Variants in GNA11 observed in about 807,000 individuals in gnomAD.
GNA11 encodes guanine nucleotide-binding protein subunit alpha-11.
In GNA11, 8 loss-of-function variants were observed where a neutral mutation model predicts 38.2. The observed-to-expected ratio is 0.21, with a 90% CI of 0.12 to 0.38. The LOEUF is 0.38. GNA11 is among the 10% of genes least tolerant of loss of function. The pLI is 1.00. For missense variants in GNA11, 268 were observed against 516.3 expected (o/e 0.52, Z 4.66); for synonymous variants, 211 against 221.4 (o/e 0.95, Z 0.42).
chr19:3,116,972 G>A (rs990739719), intron 4 of GNA11, among the ~76,000 whole-genome samples: 4 of 152,108 alleles, frequency 2.6e-5, no homozygotes, highest in Admixed American at 1.3e-4. Flanking sequence ...GCCTCCCAGC[G>A]CAGGCAGGGA....
intron 1 of GNA11, among the ~76,000 whole-genome samples, chr19:3,099,149 C>T (rs537294655): frequency 6.2e-4 from 95 of 152,280 alleles, no homozygotes; most frequent in African/African-American, 2.1e-3. Flanking sequence ...ACGGGGAGGA[C>T]GCCGTGGCAT....
chr19:3,115,981 AG>A (rs1171637885), intron 4 of GNA11, among the ~76,000 whole-genome samples: 4 of 68,108 alleles, frequency 5.9e-5, no homozygotes, highest in Non-Finnish European at 8.0e-5. Flanking sequence ...TGAGGGGAGG[AG>A]GGGTCATAGG....
intron 1 of GNA11, among the ~76,000 whole-genome samples, chr19:3,106,200 A>G (rs1913635139): frequency 1.3e-5 from 2 of 151,978 alleles, no homozygotes; most frequent in Admixed American, 1.3e-4. Flanking sequence ...TCTGCTGACC[A>G]GGGCCCTGGA....
At position 3,121,066 on chromosome 19, in the gene GNA11, A is replaced by G; in HGVS notation, c.967A>G (p.Ile323Val). 6.2e-7 allele frequency: 1 copy of G among 1,613,772 alleles called. No individual in the cohort carries two copies. The highest frequency in any genetic ancestry group is 8.5e-7 in the Non-Finnish European group (1 of 1,179,814). The change falls in exon 7 of 7, where the codon ATC (isoleucine) becomes GTC (valine). Residue 323 changes from isoleucine (I) to valine (V), a missense_variant. Coordinates refer to ENST00000078429, the MANE Select transcript of GNA11 (RefSeq NM_002067.5). ...GGACCTGAACCCCGACAGCGACAAG[A>G]TCATCTACTCACACTTCACGTGTGC... The part of the protein sequence containing the change: ...FVDLNPDSDK[I>V]IYSHFTCATD...
Position 3,108,978 on chromosome 19 carries a change from C to T in GNA11, c.137-1171C>T, listed in dbSNP as rs1913700932. Among the ~76,000 whole-genome samples the T allele has an allele frequency of 6.6e-6, 1 of 152,208 alleles. No individual in the cohort carries two copies. Among genetic ancestry groups the T allele is most frequent in the Admixed American group, 6.5e-5 (1 of 15,284 alleles). On this transcript the variant is annotated intron_variant, in intron 1 of 6. Coordinates refer to ENST00000078429, the MANE Select transcript of GNA11 (RefSeq NM_002067.5). The surrounding 1 kb of genome is among the most constrained non-coding windows in gnomAD (Gnocchi z 4.5). ...GGCTGCCTACCCCAGAGCCCCTGACCCGAGACTGAGGGCAAGGAGGAAGGC... is the reference window on the plus strand; with the variant it reads ...GGCTGCCTACCCCAGAGCCCCTGACTCGAGACTGAGGGCAAGGAGGAAGGC...
At chr19:3,114,516 C>T (rs1028026863) in intron 3 of GNA11, among the ~76,000 whole-genome samples, 2 of 152,148 alleles carry the variant, frequency 1.3e-5, no homozygotes, top group Admixed American at 1.3e-4. Context: ...CCTCTGCAGC[C>T]TCTGCAGCTG....
At chr19:3,103,355 G>T (rs1009655530) in intron 1 of GNA11, among the ~76,000 whole-genome samples, 1 of 149,262 alleles carries the variant, frequency 6.7e-6, no homozygotes, top group Non-Finnish European at 1.5e-5. Flanking sequence ...TGGGATTACA[G>T]GCGCATGCCA....
At chr19:3,114,226 G>A (rs1034066917) in intron 3 of GNA11, among the ~76,000 whole-genome samples, 2 of 152,170 alleles carry the variant, frequency 1.3e-5, no homozygotes, top group Non-Finnish European at 2.9e-5. Flanking sequence ...CCTCCTCGCG[G>A]TGCCGGAAAG....
rs576746065 is a variant in GNA11 at position 3,110,021 on chromosome 19, C to T, written c.137-128C>T. 7.4e-4 allele frequency: 496 copies of T among 671,326 alleles called. 1 individual carries two copies. In the African/African-American group the frequency reaches 7.6e-3, roughly 10 times the overall value. The allele number at this position is 671,326 out of a possible 1,614,324, so 41.6% of individuals were successfully genotyped here. A position where few individuals can be genotyped will look rare whatever the true frequency, so the allele number is the denominator to read the frequency against. ...GAGGCCGTGGCGTCTGGTGGAGAGACGGTCAGCCTCACGTGCCTTGGTTTC... is the reference window on the plus strand; with the variant it reads ...GAGGCCGTGGCGTCTGGTGGAGAGATGGTCAGCCTCACGTGCCTTGGTTTC... On this transcript the variant is annotated intron_variant, in intron 1 of 6. Coordinates refer to ENST00000078429, the MANE Select transcript of GNA11 (RefSeq NM_002067.5). This position sits in a 1 kb window ranked among gnomAD's most constrained non-coding sequence, Gnocchi z 5.4.
In GNA11 at chr19:3,121,345, T is replaced by C. The variant is rs1359829347; in HGVS notation, c.*166T>C. 1.7e-6 allele frequency: 1 copy of C among 576,444 alleles called. No homozygotes were observed. Among genetic ancestry groups the C allele is most frequent in the Admixed American group, 3.1e-5 (1 of 31,774 alleles). 35.7% of individuals were successfully genotyped at this position (576,444 alleles called of 1,614,324 possible). On this transcript the variant is annotated 3_prime_UTR_variant, in exon 7 of 7. Transcript: ENST00000078429. ...TTAACAAATGGTTTTTATTTCACAGTTATCAGGGGATGTACATCTCTCCCT... is the reference window on the plus strand; with the variant it reads ...TTAACAAATGGTTTTTATTTCACAGCTATCAGGGGATGTACATCTCTCCCT...
intron 1 of GNA11, among the ~76,000 whole-genome samples, chr19:3,098,406 C>T (rs931630298): frequency 6.6e-6 from 1 of 152,242 alleles, no homozygotes; most frequent in Non-Finnish European, 1.5e-5. Context: ...TTCTGCCTAT[C>T]ACGGGCAGCC....
chr19:3,097,706 C>T (rs557602808), intron 1 of GNA11, among the ~76,000 whole-genome samples: 1 of 152,306 alleles, frequency 6.6e-6, no homozygotes, highest in Non-Finnish European at 1.5e-5. Context: ...GGACGGGGCT[C>T]CGGCTGCCGT....
chr19:3,095,016 C>A (rs1006685232), intron 1 of GNA11, among the ~76,000 whole-genome samples: 2 of 151,832 alleles, frequency 1.3e-5, no homozygotes, highest in African/African-American at 2.4e-5. Context: ...CGGGGCGGGG[C>A]CCTCCGGGAT....
intron 1 of GNA11, among the ~76,000 whole-genome samples, chr19:3,095,529 C>G (rs536692318): frequency 6.6e-6 from 1 of 152,018 alleles, no homozygotes; most frequent in South Asian, 2.1e-4. Flanking sequence ...GTACACCCCC[C>G]CATCCCCCCG....
chr19:3,110,352 G>C lies in GNA11; in HGVS notation c.321+19G>C. The C allele has an allele frequency of 6.3e-7, 1 of 1,588,746 alleles. No individual in the cohort carries two copies. On this transcript the variant is annotated intron_variant, in intron 2 of 6. Transcript: ENST00000078429. This position sits in a 1 kb window ranked among gnomAD's most constrained non-coding sequence, Gnocchi z 5.4. ...GAACAAGGTGAGCCCGCGGGCGCCT[G>C]GGGAGGGGAGCGCCTGGGCAGCTGT...
Position 3,123,336 on chromosome 19 carries a change from C to T in GNA11, c.*2157C>T, listed in dbSNP as rs1473951790. On this transcript the variant is annotated 3_prime_UTR_variant, in exon 7 of 7. Coordinates refer to ENST00000078429, the MANE Select transcript of GNA11 (RefSeq NM_002067.5). ...ACGTCGTGGCCTGGATCCTCTGGGT[C>T]TGAGTGCCTGATCCCCTGCCCCCCA... The T allele has an allele frequency of 8.6e-6, 2 of 233,316 alleles. No homozygotes were observed. Among genetic ancestry groups the T allele is most frequent in the East Asian group, 6.0e-5 (1 of 16,586 alleles). The allele number at this position is 233,316 out of a possible 1,614,324, so 14.5% of individuals were successfully genotyped here.
At chr19:3,103,076 C>T (rs1279539204) in intron 1 of GNA11, among the ~76,000 whole-genome samples, 8 of 152,144 alleles carry the variant, frequency 5.3e-5, no homozygotes, top group African/African-American at 1.7e-4. Flanking sequence ...CTGTGGGGCT[C>T]GGCTCAGGCG....
intron 1 of GNA11, among the ~76,000 whole-genome samples, chr19:3,105,493 C>T (rs748006164): frequency 2.0e-5 from 3 of 152,058 alleles, no homozygotes; most frequent in African/African-American, 2.4e-5. Context: ...TCATAGACAG[C>T]GGTGCCTTCT....
In GNA11 at chr19:3,121,186, A is replaced by G; in HGVS notation, c.*7A>G. ...GGAGTACAACCTGGTCTGAGCGCCCAGGCCCAGGGAGACGGGATGGAGACA... is the reference window on the plus strand; with the variant it reads ...GGAGTACAACCTGGTCTGAGCGCCCGGGCCCAGGGAGACGGGATGGAGACA... On this transcript the variant is annotated 3_prime_UTR_variant, in exon 7 of 7. Transcript: ENST00000078429. 2 of 1,604,672 alleles carry G rather than the reference A, an allele frequency of 1.2e-6. No individual in the cohort carries two copies. The highest frequency in any genetic ancestry group is 1.7e-5 in the Admixed American group (1 of 59,736).
Sources: gnomAD v4.1 joint callset for allele counts (sites outside exome capture counted in the v4.1 genomes callset) on GRCh38, gnomAD v4.1.1 for gene constraint, Gnocchi (gnomAD v3.1) non-coding constraint, MANE v1.5 for transcripts, NCBI Gene and HGNC (gene_info 2026-07-23, HGNC 2026-07-21) for gene names.